The following NBAS variants were observed in gnomAD, a reference collection of about 807,000 sequenced individuals.
NBAS encodes NAG/BC035112 fusion.
Under a neutral mutation model 302.5 loss-of-function variants are expected in NBAS, and 219 were observed. The ratio of observed to expected loss-of-function variants is 0.72; its 90% CI spans 0.65 to 0.81. The LOEUF (loss-of-function observed/expected upper bound fraction) is 0.81. Ranked by LOEUF, NBAS falls within the 30% of genes least tolerant of loss-of-function variation. The probability of loss-of-function intolerance (pLI) is 0.00; values close to 1 mark genes in which losing one functional copy is unlikely to be tolerated. For missense variants in NBAS, 2,932 were observed against 2,841.6 expected (o/e 1.03, Z -0.72); for synonymous variants, 1,118 against 1,021.6 (o/e 1.09, Z -1.80).
chr2:15,076,127 C>T, the NBAS span, among the ~76,000 whole-genome samples: 3 of 152,168 alleles, frequency 2.0e-5, no homozygotes, highest in Non-Finnish European at 2.9e-5. Context: ...ATTAGGCACA[C>T]GAGCCCTTGA....
chr2:15,282,419 G>A (rs565553174), intron 42 of NBAS, among the ~76,000 whole-genome samples: 16 of 152,290 alleles, frequency 1.1e-4, no homozygotes, highest in African/African-American at 3.6e-4. Context: ...TAAGGCAGAT[G>A]CAATATAGTT....
In NBAS at chr2:15,473,347, T is replaced by C. The variant is rs369340714; in HGVS notation, c.1600A>G (p.Ile534Val). 1.6e-5 allele frequency: 26 copies of C among 1,613,588 alleles called. No homozygotes were observed. The highest frequency in any genetic ancestry group is 1.9e-5 in the Non-Finnish European group (23 of 1,179,760). ...TTPEELYQRK[I>V]ESEEYEEALS... Reference sequence around the variant, plus strand: ...GCTTCCTCATACTCTTCACTTTCAATCTTCAGATAAAAACACGAGGACAGG... The same window carrying C: ...GCTTCCTCATACTCTTCACTTTCAACCTTCAGATAAAAACACGAGGACAGG... Residue 534 changes from isoleucine (I) to valine (V), a missense_variant and splice_region_variant, in exon 16 of 52, where the codon ATT becomes GTT. Ile to Val is a conservative substitution (Grantham distance 29). Coordinates refer to ENST00000281513, the MANE Select transcript of NBAS (RefSeq NM_015909.4).
the NBAS span, among the ~76,000 whole-genome samples, chr2:15,087,737 G>A: frequency 6.6e-6 from 1 of 152,228 alleles, no homozygotes; most frequent in Non-Finnish European, 1.5e-5. Context: ...AGCAAGGAGA[G>A]AAGCTGTGCC....
intron 25 of NBAS, among the ~76,000 whole-genome samples, chr2:15,404,470 T>A (rs1676308557): frequency 6.6e-6 from 1 of 152,100 alleles, no homozygotes; most frequent in Admixed American, 6.6e-5. Flanking sequence ...CCACTTCCTA[T>A]CTTTCCCTCT....
chr2:15,079,425 C>CT, the NBAS span, among the ~76,000 whole-genome samples: 1 of 152,072 alleles, frequency 6.6e-6, no homozygotes, highest in East Asian at 1.9e-4. Flanking sequence ...CTATCACTTT[C>CT]AGGTCCCTAA....
Position 15,475,732 on chromosome 2 carries a change from T to C in NBAS, c.1296A>G (p.Ser432=), listed in dbSNP as rs200455586. The change falls in exon 14 of 52, where the codon TCA becomes TCG. Residue 432 remains serine (S), a synonymous_variant. Coordinates refer to ENST00000281513, the MANE Select transcript of NBAS (RefSeq NM_015909.4). Reference sequence around the variant, plus strand: ...CATCATGGGTAGCAGTGACTTGAGGTGATGGTTCAAACCATTCACAGGATT... The same window carrying C: ...CATCATGGGTAGCAGTGACTTGAGGCGATGGTTCAAACCATTCACAGGATT... ...LGKSCEWFEP[S]PQVTATHDGG... 3.4e-4 allele frequency: 550 copies of C among 1,613,956 alleles called. 1 individual carries two copies. The highest frequency in any genetic ancestry group is 4.3e-4 in the Non-Finnish European group (513 of 1,179,988).
the NBAS span, among the ~76,000 whole-genome samples, chr2:14,872,908 C>G: frequency 6.6e-6 from 1 of 152,204 alleles, no homozygotes; most frequent in Non-Finnish European, 1.5e-5. Flanking sequence ...TGTGGTCTCA[C>G]TGACTTCAGG....
At chr2:15,395,262 C>A (rs1359086840) in intron 27 of NBAS, among the ~76,000 whole-genome samples, 1 of 152,054 alleles carries the variant, frequency 6.6e-6, no homozygotes, top group African/African-American at 2.4e-5. Context: ...CACTGTATCT[C>A]TTTGAGCTAT....
chr2:15,438,712 A>G, intron 21 of NBAS, among the ~76,000 whole-genome samples: 1 of 152,228 alleles, frequency 6.6e-6, no homozygotes, highest in East Asian at 1.9e-4. Context: ...TGAAAGTCAG[A>G]GAGCCAGAGT....
At chr2:15,272,314 T>C (rs1311731470) in intron 44 of NBAS, among the ~76,000 whole-genome samples, 1 of 152,214 alleles carries the variant, frequency 6.6e-6, no homozygotes, top group African/African-American at 2.4e-5. Context: ...CTGCACACTG[T>C]GTATGAATAG....
At position 15,474,138 on chromosome 2, in the gene NBAS, G is replaced by C. The variant is rs563288128; in HGVS notation, c.1528C>G (p.Arg510Gly). Residue 510 changes from arginine (R) to glycine (G), a missense_variant, in exon 15 of 52, where the codon CGA (arginine) becomes GGA (glycine). Coordinates refer to ENST00000281513, the MANE Select transcript of NBAS (RefSeq NM_015909.4). ...ERFAPPRKRPRTITKNYRLVS... is the reference protein window; with the variant it reads ...ERFAPPRKRPGTITKNYRLVS... ...AGGCGGTAGTTTTTAGTAATGGTTC[G>C]TGGGCGTTTCCGTGGTGGTGCAAAT... 2.5e-6 allele frequency: 4 copies of C among 1,614,112 alleles called. No homozygotes were observed. Among genetic ancestry groups the C allele is most frequent in the Non-Finnish European group, 2.5e-6 (3 of 1,180,024 alleles).
At chr2:14,909,380 A>AAAAAAAAAAAAAAAAAAG in the NBAS span, among the ~76,000 whole-genome samples, 1 of 147,746 alleles carries the variant, frequency 6.8e-6, no homozygotes, top group Non-Finnish European at 1.5e-5. Context: ...AAAAAAAAAA[A>AAAAAAAAAAAAAAAAAAG]AAAAAAAAAG....
intron 51 of NBAS, among the ~76,000 whole-genome samples, chr2:15,176,881 G>C (rs1664567175): frequency 6.6e-6 from 1 of 152,130 alleles, no homozygotes; most frequent in Non-Finnish European, 1.5e-5. Flanking sequence ...AACTGAACGT[G>C]AATTTAAAAT....
the NBAS span, among the ~76,000 whole-genome samples, chr2:14,817,476 G>C: frequency 1.3e-5 from 2 of 152,148 alleles, no homozygotes; most frequent in African/African-American, 2.4e-5. Flanking sequence ...CTAAGAACAG[G>C]CTCCTGTTTA....
At chr2:14,984,803 G>A in the NBAS span, among the ~76,000 whole-genome samples, 1 of 152,208 alleles carries the variant, frequency 6.6e-6, no homozygotes, top group Non-Finnish European at 1.5e-5. Flanking sequence ...ATGCATGAAC[G>A]TAGGCAGGTC....
At chr2:15,035,121 T>G in the NBAS span, among the ~76,000 whole-genome samples, 771 of 151,990 alleles carry the variant, frequency 5.1e-3, 3 homozygotes, top group Middle Eastern at 0.01. Context: ...GTGGGGTTTT[T>G]TTTTTTTTTT....
At chr2:15,241,890 T>C (rs1230224162) in intron 44 of NBAS, among the ~76,000 whole-genome samples, 1 of 152,212 alleles carries the variant, frequency 6.6e-6, no homozygotes, top group African/African-American at 2.4e-5. Context: ...GTGGTATAAT[T>C]GTAACTCGAA....
At chr2:15,559,380 A>G (rs1316243187) in intron 1 of NBAS, among the ~76,000 whole-genome samples, 1 of 152,190 alleles carries the variant, frequency 6.6e-6, no homozygotes. Context: ...CAAAACATAC[A>G]CAGATACGTA....
At chr2:15,470,849 T>A (rs1679927968) in intron 16 of NBAS, among the ~76,000 whole-genome samples, 1 of 152,036 alleles carries the variant, frequency 6.6e-6, no homozygotes, top group South Asian at 2.1e-4. Flanking sequence ...AGTCCCAAGC[T>A]ACTTGGGAGG....
Sources: gnomAD v4.1 joint callset for allele counts (sites outside exome capture counted in the v4.1 genomes callset) on GRCh38, gnomAD v4.1.1 for gene constraint, MANE v1.5 for transcripts, NCBI Gene and HGNC (gene_info 2026-07-23, HGNC 2026-07-21) for gene names.